ADARB2: variants seen among roughly 807,000 people sequenced by gnomAD.
The protein encoded by ADARB2 is inactive double-stranded RNA-specific editase B2.
A neutral mutation model predicts 62.2 loss-of-function variants in ADARB2; 25 were observed. The ratio of observed to expected loss-of-function variants is 0.40; its 90% CI spans 0.29 to 0.56. The LOEUF (loss-of-function observed/expected upper bound fraction) is 0.56, where lower values mean the gene tolerates loss of function less well. ADARB2 is among the 20% of genes least tolerant of loss of function. ADARB2 has a pLI of 0.43. For missense variants in ADARB2, 1,071 were observed against 1,077.4 expected, an observed-to-expected ratio of 0.99 and a Z score of 0.08; for synonymous variants, 572 against 500.8, an observed-to-expected ratio of 1.14 and a Z score of -1.90.
At chr10:1,297,479 C>T (rs1307309907) in intron 3 of ADARB2, among the ~76,000 whole-genome samples, 1 of 152,166 alleles carries the variant, frequency 6.6e-6, no homozygotes, top group South Asian at 2.1e-4. Flanking sequence ...AGCTGTTCCC[C>T]ACTGATAAGG....
Position 1,204,620 on chromosome 10 carries a change from C to T in ADARB2, c.1683-4473G>A, listed in dbSNP as rs899444869. Among the ~76,000 whole-genome samples, 18 of 152,232 alleles carry T rather than the reference C, an allele frequency of 1.2e-4. 1 individual carries two copies. The highest frequency in any genetic ancestry group is 3.9e-4 in the African/African-American group (16 of 41,462). ...CGCTCCGCCCCTCACTGGCTCCTGC[C>T]GGCCTCACCCGTCACATTGTGTAGG... On this transcript the variant is annotated intron_variant, in intron 7 of 9. Coordinates refer to ENST00000381312, the MANE Select transcript of ADARB2 (RefSeq NM_018702.4).
chr10:1,387,500 C>T (rs894235948), intron 1 of ADARB2, among the ~76,000 whole-genome samples: 2 of 151,902 alleles, frequency 1.3e-5, no homozygotes, highest in African/African-American at 4.8e-5. Flanking sequence ...CAGTGAAAAA[C>T]ATATTTGCAA....
intron 1 of ADARB2, among the ~76,000 whole-genome samples, chr10:1,518,522 A>T (rs2131949762): frequency 6.6e-6 from 1 of 152,352 alleles, no homozygotes; most frequent in East Asian, 1.9e-4. Context: ...TAACATCTGC[A>T]TGTAGTGTTG....
Position 1,242,114 on chromosome 10 carries a change from C to T in ADARB2, c.1361+17G>A, listed in dbSNP as rs553223936. On this transcript the variant is annotated intron_variant, in intron 5 of 9. Transcript: ENST00000381312. ...CGCGGCGTCCGCCTTCCCTGGAGCCCGTCCCCAGCCGCTCACCTCAGGTGC... is the reference window on the plus strand; with the variant it reads ...CGCGGCGTCCGCCTTCCCTGGAGCCTGTCCCCAGCCGCTCACCTCAGGTGC... 24 of 1,585,910 alleles carry T rather than the reference C, an allele frequency of 1.5e-5. No individual in the cohort carries two copies. The highest frequency in any genetic ancestry group is 1.9e-4 in the Middle Eastern group (1 of 5,328).
chr10:1,337,932 C>T (rs1473947154), intron 3 of ADARB2, among the ~76,000 whole-genome samples: 2 of 152,068 alleles, frequency 1.3e-5, no homozygotes, highest in Non-Finnish European at 2.9e-5. Flanking sequence ...ACACTATACA[C>T]ACTGGATGCT....
intron 1 of ADARB2, among the ~76,000 whole-genome samples, chr10:1,574,492 C>T (rs1307775620): frequency 6.6e-6 from 1 of 151,956 alleles, no homozygotes. Flanking sequence ...CTGTTCCCAG[C>T]GTTTTGGAGG....
At chr10:1,643,494 G>C (rs1834001990) in intron 1 of ADARB2, among the ~76,000 whole-genome samples, 1 of 152,144 alleles carries the variant, frequency 6.6e-6, no homozygotes, top group Non-Finnish European at 1.5e-5. Context: ...GGGGGGCTAG[G>C]GTTACTTCAT....
chr10:1,263,736 C>A (rs113422062), intron 4 of ADARB2, among the ~76,000 whole-genome samples: 2,812 of 152,316 alleles, frequency 0.018, 80 homozygotes, highest in African/African-American at 0.062. Context: ...GGATTTAACT[C>A]ACGGCCAGGG....
Position 1,270,991 on chromosome 10 carries a change from G to A in ADARB2, c.1156C>T (p.Arg386Cys), listed in dbSNP as rs770421331. ...VTTDLTPMHA[R>C]HKALAGIVMT... ...ACGATTCCTGCCAGCGCTTTATGGC[G>A]GGCGTGCATGGGCGTGAGGTCCGTC... The change falls in exon 4 of 10, where the codon CGC becomes TGC. Residue 386 changes from arginine (R) to cysteine (C), a missense_variant. Transcript: ENST00000381312. 8.7e-5 allele frequency: 140 copies of A among 1,613,294 alleles called. 1 individual carries two copies. The highest frequency in any genetic ancestry group is 9.7e-5 in the Non-Finnish European group (115 of 1,179,660).
chr10:1,239,389 C>T (rs1172047089), intron 5 of ADARB2, among the ~76,000 whole-genome samples: 2 of 3,746 alleles, frequency 5.3e-4, no homozygotes, highest in Non-Finnish European at 7.7e-4. Context: ...CTCCCCCCTG[C>T]CTCCCGGTGT....
intron 1 of ADARB2, among the ~76,000 whole-genome samples, chr10:1,479,216 T>C (rs1451940149): frequency 6.6e-6 from 1 of 152,272 alleles, no homozygotes. Flanking sequence ...TGGGACTCCA[T>C]TCAGAGGGAC....
In ADARB2 at chr10:1,632,717, A is replaced by G. The variant is rs573236764; in HGVS notation, c.100+104334T>C. 6.6e-5 allele frequency among the ~76,000 whole-genome samples: 10 copies of G among 152,230 alleles called. 1 individual carries two copies. The highest frequency in any genetic ancestry group is 2.4e-4 in the African/African-American group (10 of 41,458). On this transcript the variant is annotated intron_variant, in intron 1 of 9. Coordinates refer to ENST00000381312, the MANE Select transcript of ADARB2 (RefSeq NM_018702.4). ...TCACTGTGGGACTGCATGAAGTGGC[A>G]TTGAATAGACAGAGACCTCACAGCC...
chr10:1,437,739 G>A (rs1180538568), intron 1 of ADARB2, among the ~76,000 whole-genome samples: 2 of 152,022 alleles, frequency 1.3e-5, no homozygotes, highest in Non-Finnish European at 2.9e-5. Flanking sequence ...GTCCTGTGGG[G>A]AAGGAAGCCA....
intron 1 of ADARB2, among the ~76,000 whole-genome samples, chr10:1,473,626 C>A (rs1339447321): frequency 6.6e-6 from 1 of 152,212 alleles, no homozygotes; most frequent in African/African-American, 2.4e-5. Flanking sequence ...AAGCTATCCA[C>A]CTGCCTTGGC....
At chr10:1,558,699 C>G (rs1217349509) in intron 1 of ADARB2, among the ~76,000 whole-genome samples, 1 of 73,108 alleles carries the variant, frequency 1.4e-5, no homozygotes, top group Non-Finnish European at 2.7e-5. Context: ...CCCACCTCTG[C>G]CCCCTTCTGT....
chr10:1,526,671 G>A (rs1462143980), intron 1 of ADARB2: 5 of 246,394 alleles, frequency 2.0e-5, no homozygotes, highest in Non-Finnish European at 4.4e-5. Flanking sequence ...CACGCTTCCT[G>A]TACAGCCTGC....
At chr10:1,502,536 A>G (rs1259559001) in intron 1 of ADARB2, among the ~76,000 whole-genome samples, 1 of 152,364 alleles carries the variant, frequency 6.6e-6, no homozygotes, top group African/African-American at 2.4e-5. Flanking sequence ...TGGAAGAAGC[A>G]AATCTACTAA....
At chr10:1,546,429 C>T (rs570374553) in intron 1 of ADARB2, among the ~76,000 whole-genome samples, 6 of 152,330 alleles carry the variant, frequency 3.9e-5, no homozygotes, top group Admixed American at 2.0e-4. Flanking sequence ...CTAAAATTAC[C>T]ACCTGCAACT....
Position 1,199,990 on chromosome 10 carries a change from G to A in ADARB2, c.1840C>T (p.Arg614Trp), listed in dbSNP as rs149804621. The A allele has an allele frequency of 2.0e-4, 321 of 1,570,138 alleles. No homozygotes were observed. In the East Asian group the frequency reaches 3.3e-3, roughly 16 times the overall value. ...EGVGQLPASY[R>W]HNRPLLSGVS... ...CCGCTGAGGAGAGGCCGGTTGTGCC[G>A]GTAGGAGGCGGGCAGCTGGCCGACA... Residue 614 changes from arginine (R) to tryptophan (W), a missense_variant, in exon 8 of 10, where the codon CGG becomes TGG. Physicochemically the swap from Arg to Trp is moderately radical, Grantham distance 101 (BLOSUM62 -3). Transcript: ENST00000381312.
Sources: allele counts gnomAD v4.1 joint callset (sites outside exome capture counted in the v4.1 genomes callset), GRCh38; gene constraint gnomAD v4.1.1; transcripts MANE v1.5; gene names NCBI Gene and HGNC (gene_info 2026-07-23, HGNC 2026-07-21).